Variants in HS6ST1 observed in about 807,000 individuals in gnomAD.
HS6ST1 encodes the protein heparan sulfate 6-O-sulfotransferase 1, also known as heparan-sulfate 6-O-sulfotransferase 1.
A neutral mutation model predicts 25.2 loss-of-function variants in HS6ST1; 3 were observed. The observed-to-expected ratio is 0.12, with a 90% CI of 0.05 to 0.31. The LOEUF is 0.31. HS6ST1 is among the 10% of genes least tolerant of loss of function. The pLI is 1.00. For missense variants in HS6ST1, 310 were observed against 609.6 expected (o/e 0.51, Z 5.18); for synonymous variants, 204 against 275.1 (o/e 0.74, Z 2.56).
chr2:128,281,385 T>C (rs1697399459), intron 1 of HS6ST1, among the ~76,000 whole-genome samples: 1 of 152,184 alleles, frequency 6.6e-6, no homozygotes, highest in African/African-American at 2.4e-5. Context: ...TAGAAAACAG[T>C]GCAGAAAGTC....
chr2:128,280,593 G>A (rs1308132187), intron 1 of HS6ST1, among the ~76,000 whole-genome samples: 1 of 152,208 alleles, frequency 6.6e-6, no homozygotes, highest in Non-Finnish European at 1.5e-5. Context: ...ATCAAGTTCT[G>A]AGCTGGCGGC....
chr2:128,275,491 G>C (rs1332160671), intron 1 of HS6ST1, among the ~76,000 whole-genome samples: 1 of 152,176 alleles, frequency 6.6e-6, no homozygotes, highest in Non-Finnish European at 1.5e-5. Context: ...AAGAGAAAGC[G>C]GATCTGCTGG....
At chr2:128,317,933 A>C in intron 1 of HS6ST1, 104 bp downstream of exon 1, 1 of 1,290,110 alleles carries the variant, frequency 7.8e-7, no homozygotes, top group East Asian at 3.2e-5. Flanking sequence ...CCAAGAGGGC[A>C]GAAGGGGGTA....
At chr2:128,301,762 T>G (rs1412633328) in intron 1 of HS6ST1, among the ~76,000 whole-genome samples, 1 of 152,148 alleles carries the variant, frequency 6.6e-6, no homozygotes, top group African/African-American at 2.4e-5. Context: ...GTGTGCTGGT[T>G]TGAAGCCTGC....
intron 1 of HS6ST1, among the ~76,000 whole-genome samples, chr2:128,316,944 C>T (rs980473028): frequency 1.3e-5 from 2 of 152,160 alleles, no homozygotes; most frequent in African/African-American, 4.8e-5. Flanking sequence ...AGCCAACACG[C>T]CTACAACCGC....
At chr2:128,295,617 C>T (rs1356044936) in intron 1 of HS6ST1, among the ~76,000 whole-genome samples, 1 of 152,138 alleles carries the variant, frequency 6.6e-6, no homozygotes, top group African/African-American at 2.4e-5. Flanking sequence ...TGAAAATATC[C>T]TCAGCAAAAT....
chr2:128,297,210 G>A (rs770589932), intron 1 of HS6ST1, among the ~76,000 whole-genome samples: 1 of 152,186 alleles, frequency 6.6e-6, no homozygotes, highest in Non-Finnish European at 1.5e-5. Context: ...AATGGAATAC[G>A]ATAAAGAGCC....
At chr2:128,286,763 A>C (rs1693870384) in intron 1 of HS6ST1, among the ~76,000 whole-genome samples, 1 of 152,220 alleles carries the variant, frequency 6.6e-6, no homozygotes, top group Non-Finnish European at 1.5e-5. Context: ...AGCGGGTGAA[A>C]ATCTTTGCTG....
intron 1 of HS6ST1, among the ~76,000 whole-genome samples, chr2:128,274,562 G>GAACA (rs55681109): frequency 0.11 from 16,649 of 151,686 alleles, 1,188 homozygotes; most frequent in Non-Finnish European, 0.15. Context: ...AGAAAAAACA[G>GAACA]AACAAACAAA....
intron 1 of HS6ST1, among the ~76,000 whole-genome samples, chr2:128,305,796 A>T (rs1423161652): frequency 6.6e-6 from 1 of 152,180 alleles, no homozygotes; most frequent in Non-Finnish European, 1.5e-5. Flanking sequence ...ATTCAGCTGG[A>T]CCTTGAGGAG....
At chr2:128,303,575 TG>T (rs899401786) in intron 1 of HS6ST1, among the ~76,000 whole-genome samples, 1 of 152,134 alleles carries the variant, frequency 6.6e-6, no homozygotes, top group African/African-American at 2.4e-5. Context: ...CCATACATGG[TG>T]GGGGGACACT....
chr2:128,277,443 T>C (rs6723548), intron 1 of HS6ST1, among the ~76,000 whole-genome samples: 83,815 of 152,172 alleles, frequency 0.55, 25,786 homozygotes, highest in African/African-American at 0.82. Context: ...AGACCCTGTC[T>C]GCACCACTGG....
chr2:128,291,621 G>C (rs772402661), intron 1 of HS6ST1, among the ~76,000 whole-genome samples: 12 of 152,216 alleles, frequency 7.9e-5, no homozygotes, highest in Non-Finnish European at 1.5e-4. Context: ...CGCCATGCCT[G>C]GGGCAAGGTG....
intron 1 of HS6ST1, among the ~76,000 whole-genome samples, chr2:128,272,409 C>A (rs1693622125): frequency 6.6e-6 from 1 of 152,332 alleles, no homozygotes; most frequent in African/African-American, 2.4e-5. Context: ...GAGCCCAGAG[C>A]ACCCAGCAGG....
At chr2:128,280,460 T>C (rs1693768551) in intron 1 of HS6ST1, among the ~76,000 whole-genome samples, 1 of 152,170 alleles carries the variant, frequency 6.6e-6, no homozygotes, top group Non-Finnish European at 1.5e-5. Context: ...AGCCACTGCC[T>C]GAGAGGGAAT....
intron 1 of HS6ST1, among the ~76,000 whole-genome samples, chr2:128,310,250 G>A (rs779729846): frequency 6.6e-6 from 1 of 152,164 alleles, no homozygotes; most frequent in Non-Finnish European, 1.5e-5. Context: ...GAGGACCCAA[G>A]ACCTCCCGAG....
chr2:128,280,896 A>C (rs561159723), intron 1 of HS6ST1, among the ~76,000 whole-genome samples: 1 of 152,144 alleles, frequency 6.6e-6, no homozygotes, highest in African/African-American at 2.4e-5. Flanking sequence ...CAGAGCCTGC[A>C]GCTGATGGGA....
chr2:128,278,961 T>G (rs1293165237), intron 1 of HS6ST1, among the ~76,000 whole-genome samples: 1 of 152,178 alleles, frequency 6.6e-6, no homozygotes, highest in Non-Finnish European at 1.5e-5. Context: ...AAACATTACA[T>G]AAACAACCTA....
At chr2:128,273,199 C>T (rs1461729575) in intron 1 of HS6ST1, among the ~76,000 whole-genome samples, 3 of 152,228 alleles carry the variant, frequency 2.0e-5, no homozygotes, top group Non-Finnish European at 2.9e-5. Context: ...CCTGGGGGAG[C>T]CTTAGGAGCT....
Sources: gnomAD v4.1 joint callset for allele counts (sites outside exome capture counted in the v4.1 genomes callset) on GRCh38, gnomAD v4.1.1 for gene constraint, MANE v1.5 for transcripts, NCBI Gene and HGNC (gene_info 2026-07-23, HGNC 2026-07-21) for gene names.